The following ATF2 variants were observed in gnomAD, a reference collection of about 807,000 sequenced individuals.
ATF2 encodes cyclic AMP-dependent transcription factor ATF-2.
Under a neutral mutation model 60.6 loss-of-function variants are expected in ATF2, and 24 were observed. The ratio of observed to expected loss-of-function variants is 0.40; its 90% CI spans 0.29 to 0.56. ATF2 has a LOEUF of 0.56. Among genes scored for constraint, ATF2 ranks in the 20% least tolerant of loss-of-function variants. The pLI is 0.54. For missense variants in ATF2, 433 were observed against 607.7 expected (o/e 0.71, Z 3.02); for synonymous variants, 206 against 215.4 (o/e 0.96, Z 0.38).
At chr2:175,083,000 T>C (rs1208597055) in intron 12 of ATF2, among the ~76,000 whole-genome samples, 2 of 151,852 alleles carry the variant, frequency 1.3e-5, no homozygotes, top group African/African-American at 4.8e-5. Flanking sequence ...TAAAAGAGGA[T>C]ACAAACAAAT....
chr2:175,088,765 G>A (rs1694342114), intron 12 of ATF2, among the ~76,000 whole-genome samples: 3 of 152,082 alleles, frequency 2.0e-5, no homozygotes, highest in Non-Finnish European at 4.4e-5. Context: ...AAGGAAACAT[G>A]CTACATTTAT....
intron 10 of ATF2, among the ~76,000 whole-genome samples, chr2:175,108,874 C>G (rs1695958931): frequency 6.6e-6 from 1 of 152,104 alleles, no homozygotes; most frequent in Non-Finnish European, 1.5e-5. Context: ...GACCTTACCC[C>G]CAATCATGTG....
In ATF2 at chr2:175,099,909, G is replaced by C. The variant is rs117959169; in HGVS notation, c.829-2316C>G. Among the ~76,000 whole-genome samples the C allele has an allele frequency of 6.9e-4, 105 of 152,322 alleles. No individual in the cohort carries two copies. The East Asian group carries it at 0.019, about 28-fold the overall frequency. Reference sequence around the variant, plus strand: ...CTCAAGACAGAGAGTCTGAAACTTTGTGGCTTAATGATTCAAAAAACAATC... The same window carrying C: ...CTCAAGACAGAGAGTCTGAAACTTTCTGGCTTAATGATTCAAAAAACAATC... On this transcript the variant is annotated intron_variant, in intron 10 of 13. Transcript: ENST00000264110.
intron 1 of ATF2, among the ~76,000 whole-genome samples, chr2:175,154,234 A>AAATAT (rs59907964): frequency 8.7e-4 from 114 of 131,646 alleles, no homozygotes; most frequent in African/African-American, 2.7e-3. Context: ...AGAAAAAAAA[A>AAATAT]ATATATATAT....
rs528403088 is a variant in ATF2 at position 175,119,202 on chromosome 2, T to G, written c.200-833A>C. On this transcript the variant is annotated intron_variant, in intron 5 of 13. Coordinates refer to ENST00000264110, the MANE Select transcript of ATF2 (RefSeq NM_001880.4). ...CAAGAAACTTATAAATTCTGCCTAT[T>G]TAGTGTTACTATTTTCAAGGGTGTC... 2.0e-5 allele frequency among the ~76,000 whole-genome samples: 3 copies of G among 151,798 alleles called. No individual in the cohort carries two copies. In the South Asian group the frequency reaches 6.2e-4, roughly 31 times the overall value.
intron 12 of ATF2, among the ~76,000 whole-genome samples, chr2:175,083,340 C>T (rs1304256192): frequency 1.3e-5 from 2 of 152,108 alleles, no homozygotes; most frequent in East Asian, 1.9e-4. Flanking sequence ...AGAAATAACG[C>T]CGCATATGTA....
rs905459498 is a variant in ATF2 at position 175,091,640 on chromosome 2, A to G, written c.1185+1421T>C. Among the ~76,000 whole-genome samples the G allele has an allele frequency of 6.2e-4, 95 of 152,226 alleles. 1 individual carries two copies. The highest frequency in any genetic ancestry group is 3.7e-3 in the Admixed American group (57 of 15,288). ...CAATTTGGGAGGCTGAGGCGGGTGG[A>G]TCACCTGAGGTCAGGAGTTCGAGAC... On this transcript the variant is annotated intron_variant, in intron 12 of 13. Transcript: ENST00000264110.
chr2:175,131,356 T>A (rs1317613188), intron 3 of ATF2, among the ~76,000 whole-genome samples: 5 of 152,268 alleles, frequency 3.3e-5, no homozygotes, highest in South Asian at 4.1e-4. Flanking sequence ...AATCATCAAC[T>A]CTTCTTACAT....
chr2:175,156,463 C>A (rs1242384922), intron 1 of ATF2, among the ~76,000 whole-genome samples: 3 of 150,126 alleles, frequency 2.0e-5, no homozygotes, highest in Admixed American at 2.0e-4. Flanking sequence ...AATCAAGAGA[C>A]CTCAAGAGCT....
intron 1 of ATF2, among the ~76,000 whole-genome samples, chr2:175,152,765 C>T (rs1182909354): frequency 1.3e-5 from 2 of 152,118 alleles, no homozygotes. Context: ...TATATACAGG[C>T]TGTTCCTTAA....
At chr2:175,143,037 G>A (rs1051714790) in intron 2 of ATF2, among the ~76,000 whole-genome samples, 6 of 152,188 alleles carry the variant, frequency 3.9e-5, no homozygotes, top group Admixed American at 3.3e-4. Context: ...TTTCATTGGC[G>A]TTCAGAAGGA....
intron 12 of ATF2, among the ~76,000 whole-genome samples, chr2:175,081,999 A>C (rs1693790571): frequency 6.6e-6 from 1 of 152,212 alleles, no homozygotes; most frequent in Admixed American, 6.5e-5. Context: ...CAGAGGCTGC[A>C]GTGAGGTGAG....
At chr2:175,159,060 G>A (rs1233227307) in intron 1 of ATF2, among the ~76,000 whole-genome samples, 2 of 152,106 alleles carry the variant, frequency 1.3e-5, no homozygotes, top group Admixed American at 1.3e-4. Flanking sequence ...GCTCAACCCT[G>A]TAATCCCAGC....
chr2:175,103,653 T>C (rs1226784288), intron 10 of ATF2, among the ~76,000 whole-genome samples: 2 of 148,470 alleles, frequency 1.3e-5, no homozygotes, highest in East Asian at 2.0e-4. Flanking sequence ...TGTGCAAAGA[T>C]ATTTCTCAGT....
chr2:175,120,829 G>C (rs927433073), intron 5 of ATF2, among the ~76,000 whole-genome samples: 4 of 151,602 alleles, frequency 2.6e-5, no homozygotes, highest in Admixed American at 6.6e-5. Flanking sequence ...AGCTAATACA[G>C]CATGGAATGA....
intron 2 of ATF2, among the ~76,000 whole-genome samples, chr2:175,147,558 C>T (rs772639689): frequency 7.9e-5 from 12 of 152,142 alleles, no homozygotes; most frequent in African/African-American, 1.7e-4. Context: ...ATAGATAATA[C>T]ATAGCACTCT....
chr2:175,114,428 T>A, intron 8 of ATF2: 2 of 1,241,626 alleles, frequency 1.6e-6, no homozygotes, highest in South Asian at 5.4e-5. Context: ...ATGCAGTAAT[T>A]TTATATTTTG....
rs185301738 is a variant in ATF2 at position 175,127,652 on chromosome 2, C to T, written c.102+2486G>A. ...TTATATGCTCCAGCCACAGTAGTTG[C>T]GTTTCTGTTCTTAAACACACCATAC... On this transcript the variant is annotated intron_variant, in intron 4 of 13. Coordinates refer to ENST00000264110, the MANE Select transcript of ATF2 (RefSeq NM_001880.4). Among the ~76,000 whole-genome samples the T allele has an allele frequency of 7.2e-5, 11 of 152,300 alleles. No homozygotes were observed. In the East Asian group the frequency reaches 1.5e-3, roughly 21 times the overall value.
chr2:175,085,551 CAT>C (rs55859741), intron 12 of ATF2, among the ~76,000 whole-genome samples: 8,069 of 72,660 alleles, frequency 0.11, 220 homozygotes, highest in East Asian at 0.2. Flanking sequence ...AAATACATAA[CAT>C]ACACACACAC....
Sources: gnomAD v4.1 joint callset for allele counts (sites outside exome capture counted in the v4.1 genomes callset) on GRCh38, gnomAD v4.1.1 for gene constraint, MANE v1.5 for transcripts, NCBI Gene and HGNC (gene_info 2026-07-23, HGNC 2026-07-21) for gene names.